Variants in PCDHA3 observed in about 807,000 individuals in gnomAD.
PCDHA3 encodes protocadherin alpha 3, also known as protocadherin alpha-3.
Under a neutral mutation model 62.2 loss-of-function variants are expected in PCDHA3, and 41 were observed. The ratio of observed to expected loss-of-function variants is 0.66; its 90% CI spans 0.51 to 0.86. The LOEUF (loss-of-function observed/expected upper bound fraction) is 0.86, where lower values mean the gene tolerates loss of function less well. Ranked by LOEUF, PCDHA3 falls within the 40% of genes least tolerant of loss-of-function variation. The pLI is 0.00. For missense variants in PCDHA3, 1,304 were observed against 1,241.2 expected (o/e 1.05, Z -0.76); for synonymous variants, 640 against 555.4 (o/e 1.15, Z -2.14).
intron 1 of PCDHA3, among the ~76,000 whole-genome samples, chr5:140,806,086 G>GA (rs1447244783): frequency 6.6e-6 from 1 of 152,142 alleles, no homozygotes; most frequent in African/African-American, 2.4e-5. Flanking sequence ...TGTAAAAGAA[G>GA]AAAAAATACC....
chr5:140,823,952 C>T (rs2150130685), intron 1 of PCDHA3: 1 of 1,613,960 alleles, frequency 6.2e-7, no homozygotes, highest in African/African-American at 1.3e-5. Flanking sequence ...TCGGCGCAGC[C>T]CACCGAGGCC....
chr5:140,931,147 A>G (rs1469532498), intron 1 of PCDHA3, among the ~76,000 whole-genome samples: 1 of 152,206 alleles, frequency 6.6e-6, no homozygotes, highest in Non-Finnish European at 1.5e-5. Context: ...AGTGGATACT[A>G]TTTAATAGAA....
intron 1 of PCDHA3, chr5:140,848,196 A>T: frequency 3.3e-6 from 1 of 307,634 alleles, no homozygotes. Context: ...CTTCTGTTTC[A>T]ACAATCATTA....
At chr5:140,848,202 C>T in intron 1 of PCDHA3, 1 of 328,080 alleles carries the variant, frequency 3.0e-6, no homozygotes, top group South Asian at 5.4e-5. Flanking sequence ...TTTCAACAAT[C>T]ATTACTTAAG....
intron 1 of PCDHA3, among the ~76,000 whole-genome samples, chr5:140,893,912 G>A (rs1254345100): frequency 6.6e-6 from 1 of 152,124 alleles, no homozygotes; most frequent in Non-Finnish European, 1.5e-5. Flanking sequence ...TGAATTTGTG[G>A]TCTTTTTCAG....
chr5:140,841,357 G>A (rs1554138130), intron 1 of PCDHA3: 1 of 1,612,940 alleles, frequency 6.2e-7, no homozygotes, highest in South Asian at 1.1e-5. Context: ...TGGGATCCTG[G>A]CGACTACTAC....
At chr5:140,849,658 C>T in intron 1 of PCDHA3, 1 of 1,598,720 alleles carries the variant, frequency 6.3e-7, no homozygotes, top group African/African-American at 1.3e-5. Flanking sequence ...GTTACCTGCT[C>T]CCTGACGCCC....
rs2150110682 is a variant in PCDHA3 at position 140,821,788 on chromosome 5, C to T, written c.2394+18197C>T. The T allele has an allele frequency of 1.2e-5, 19 of 1,611,448 alleles. No individual in the cohort carries two copies. Among genetic ancestry groups the T allele is most frequent in the Admixed American group, 1.7e-5 (1 of 59,848 alleles). ...GAACGAGATTGAGATGGTATATTCC[C>T]GGAGAGGAAGTCTGGGATCCCGGCT... On this transcript the variant is annotated intron_variant, in intron 1 of 3. Coordinates refer to ENST00000522353, the MANE Select transcript of PCDHA3 (RefSeq NM_018906.3).
chr5:140,836,439 A>G, intron 1 of PCDHA3: 1 of 1,613,820 alleles, frequency 6.2e-7, no homozygotes, highest in Non-Finnish European at 8.5e-7. Context: ...ATCGTTGGGC[A>G]TTGCAGGCCC....
intron 1 of PCDHA3, chr5:140,836,643 A>G: frequency 6.2e-7 from 1 of 1,613,476 alleles, no homozygotes; most frequent in Non-Finnish European, 8.5e-7. Flanking sequence ...CTCCCAGCAG[A>G]GGCGGCAGAG....
At chr5:140,958,339 G>A (rs1177083248) in intron 1 of PCDHA3, among the ~76,000 whole-genome samples, 2 of 152,024 alleles carry the variant, frequency 1.3e-5, no homozygotes, top group African/African-American at 4.8e-5. Context: ...TAAATCACAG[G>A]AAGTTCACAG....
At chr5:140,905,958 G>T (rs1554192269) in intron 1 of PCDHA3, among the ~76,000 whole-genome samples, 1 of 152,184 alleles carries the variant, frequency 6.6e-6, no homozygotes, top group Non-Finnish European at 1.5e-5. Context: ...GATGTTCAAG[G>T]GGAGGAAGAT....
intron 1 of PCDHA3, chr5:140,865,754 C>T (rs1554159601): frequency 6.6e-6 from 1 of 152,144 alleles, no homozygotes; most frequent in East Asian, 1.9e-4. Context: ...AGTGCCAGTA[C>T]ATGGTGGAGA....
chr5:140,869,939 A>T (rs377186222), intron 1 of PCDHA3: 5 of 1,612,014 alleles, frequency 3.1e-6, no homozygotes, highest in Non-Finnish European at 4.2e-6. Flanking sequence ...GAGGTAACAT[A>T]CTCCTTAATG....
At chr5:140,829,994 C>G (rs1554132448) in intron 1 of PCDHA3, 3 of 1,613,866 alleles carry the variant, frequency 1.9e-6, no homozygotes, top group Non-Finnish European at 2.5e-6. Flanking sequence ...CAGCACCACT[C>G]GTGTCCTGGA....
At chr5:140,926,788 G>A in intron 1 of PCDHA3, 26 of 1,427,398 alleles carry the variant, frequency 1.8e-5, no homozygotes, top group Non-Finnish European at 2.4e-5. Flanking sequence ...ACGGCCGGCA[G>A]GAGCGTGCTC....
intron 3 of PCDHA3, among the ~76,000 whole-genome samples, chr5:141,005,884 T>G (rs1554260408): frequency 6.6e-6 from 1 of 151,862 alleles, no homozygotes; most frequent in Non-Finnish European, 1.5e-5. Flanking sequence ...GAGTTTGAGG[T>G]TACATCAAGC....
At chr5:140,969,459 G>A (rs1554231863) in intron 1 of PCDHA3, 1 of 1,503,404 alleles carries the variant, frequency 6.7e-7, no homozygotes, top group Non-Finnish European at 8.9e-7. Flanking sequence ...AGTATATATA[G>A]TATCCACAAT....
chr5:141,002,497 CT>C (rs1310638544), intron 3 of PCDHA3, among the ~76,000 whole-genome samples: 1 of 152,204 alleles, frequency 6.6e-6, no homozygotes, highest in Non-Finnish European at 1.5e-5. Flanking sequence ...TGTTATACAG[CT>C]CAGGATCTGA....
Sources: gnomAD v4.1 joint callset for allele counts (sites outside exome capture counted in the v4.1 genomes callset) on GRCh38, gnomAD v4.1.1 for gene constraint, MANE v1.5 for transcripts, NCBI Gene and HGNC (gene_info 2026-07-23, HGNC 2026-07-21) for gene names.